The following GRIK1 variants were observed in gnomAD, a reference collection of about 807,000 sequenced individuals.
The protein encoded by GRIK1 is glutamate receptor ionotropic, kainate 1.
A neutral mutation model predicts 105.7 loss-of-function variants in GRIK1; 69 were observed. The ratio of observed to expected loss-of-function variants is 0.65; its 90% CI spans 0.54 to 0.80. The LOEUF (loss-of-function observed/expected upper bound fraction) is 0.80. GRIK1 is among the 30% of genes least tolerant of loss of function. The pLI, the probability that GRIK1 is intolerant of heterozygous loss-of-function variation, is 0.00. For synonymous variants in GRIK1, 438 were observed against 431.3 expected (o/e 1.02, Z -0.19); for missense variants, 1,109 against 1,167.3 (o/e 0.95, Z 0.73).
intron 1 of GRIK1, among the ~76,000 whole-genome samples, chr21:29,936,962 AC>A (rs2071779711): frequency 6.6e-6 from 1 of 151,918 alleles, no homozygotes. Context: ...TAATCTAGAG[AC>A]CCTTTTTATT....
Position 29,667,973 on chromosome 21 carries a change from G to A in GRIK1, c.726+5010C>T, listed in dbSNP as rs767609940. Among the ~76,000 whole-genome samples, 4 of 152,200 alleles carry A rather than the reference G, an allele frequency of 2.6e-5. No individual in the cohort carries two copies. In the East Asian group the frequency reaches 5.8e-4, roughly 22 times the overall value. The stretch of plus-strand genomic sequence containing the variant: ...AGCCTTTCTTTCAGGTAACAGGCAC[G>A]GAGGAGCAACTCACCCAAATGTGCT... On this transcript the variant is annotated intron_variant, in intron 4 of 17. Transcript: ENST00000327783.
chr21:29,774,559 C>T (rs2065895506), intron 1 of GRIK1, among the ~76,000 whole-genome samples: 1 of 148,328 alleles, frequency 6.7e-6, no homozygotes, highest in South Asian at 2.2e-4. Flanking sequence ...TCAAGCTATT[C>T]TCCTGCCTCA....
intron 1 of GRIK1, among the ~76,000 whole-genome samples, chr21:29,862,333 C>A (rs991435103): frequency 6.6e-6 from 1 of 152,082 alleles, no homozygotes; most frequent in Admixed American, 6.6e-5. Context: ...TTTCCTCCAC[C>A]AAATTCTTGT....
At chr21:29,865,154 C>G (rs1305451307) in intron 1 of GRIK1, among the ~76,000 whole-genome samples, 1 of 152,128 alleles carries the variant, frequency 6.6e-6, no homozygotes. Context: ...TTTCTGAACT[C>G]CTGCCTACAG....
At chr21:29,929,148 C>A (rs917584199) in intron 1 of GRIK1, among the ~76,000 whole-genome samples, 1 of 152,132 alleles carries the variant, frequency 6.6e-6, no homozygotes, top group African/African-American at 2.4e-5. Context: ...CAGACGCACC[C>A]ATTACCTGCT....
chr21:29,581,741 A>G (rs947469422), intron 12 of GRIK1, among the ~76,000 whole-genome samples, 198 bp from the exon 13 acceptor site: 2 of 152,190 alleles, frequency 1.3e-5, no homozygotes, highest in African/African-American at 4.8e-5. Context: ...AATATTTACC[A>G]GACTTCTTAT....
chr21:29,757,113 A>G (rs1156977960), intron 1 of GRIK1, among the ~76,000 whole-genome samples: 1 of 152,102 alleles, frequency 6.6e-6, no homozygotes, highest in African/African-American at 2.4e-5. Context: ...TTGAGACTCC[A>G]TCTCAATATA....
At chr21:29,872,264 G>T (rs1409278561) in intron 1 of GRIK1, among the ~76,000 whole-genome samples, 1 of 149,458 alleles carries the variant, frequency 6.7e-6, no homozygotes, top group Non-Finnish European at 1.5e-5. Flanking sequence ...TGCGATCTTG[G>T]CTCACTGCAA....
Position 29,915,030 on chromosome 21 carries a change from A to G in GRIK1, c.118+24353T>C, listed in dbSNP as rs1342973113. ...AATATGTTTTTTACATAATTTCTAAAGAAATATAGGTGATGCACCCAAAAG... is the reference window on the plus strand; with the variant it reads ...AATATGTTTTTTACATAATTTCTAAGGAAATATAGGTGATGCACCCAAAAG... On this transcript the variant is annotated intron_variant, in intron 1 of 17. Transcript: ENST00000327783. Among the ~76,000 whole-genome samples the G allele has an allele frequency of 2.6e-5, 4 of 152,110 alleles. No individual in the cohort carries two copies. In the East Asian group the frequency reaches 7.7e-4, roughly 29 times the overall value.
rs2062726353 is a variant in GRIK1 at position 29,651,125 on chromosome 21, A to G, written c.947T>C (p.Met316Thr). Residue 316 changes from methionine (M) to threonine (T), a missense_variant, in exon 6 of 18, where the codon ATG (methionine) becomes ACG (threonine). Physicochemically the swap from Met to Thr is moderately conservative, Grantham distance 81. This residue lies in a region of GRIK1 where 612 missense variants were observed against 586.0 expected (regional missense o/e 1.04). Transcript: ENST00000327783. ...PRPETGLLDG[M>T]MTTEAALMYD... Reference sequence around the variant, plus strand: ...TATTTGAAAATGACTTACTGTCATCATGCCATCCAAAAGGCCAGTCTCGGG... The same window carrying G: ...TATTTGAAAATGACTTACTGTCATCGTGCCATCCAAAAGGCCAGTCTCGGG... 1 of 1,606,612 alleles carries G rather than the reference A, an allele frequency of 6.2e-7. No individual in the cohort carries two copies. Among genetic ancestry groups the G allele is most frequent in the Non-Finnish European group, 8.5e-7 (1 of 1,177,426 alleles).
At chr21:29,876,049 A>G (rs1054298893) in intron 1 of GRIK1, among the ~76,000 whole-genome samples, 25 of 152,048 alleles carry the variant, frequency 1.6e-4, no homozygotes, top group African/African-American at 5.1e-4. Flanking sequence ...AACTAGGCAC[A>G]GAGTCACACC....
intron 1 of GRIK1, among the ~76,000 whole-genome samples, chr21:29,756,509 G>A (rs534877053): frequency 1.3e-5 from 2 of 152,088 alleles, no homozygotes; most frequent in African/African-American, 4.8e-5. Flanking sequence ...ACAATGCCAC[G>A]TTACAGTGAG....
In GRIK1 at chr21:29,924,065, C is replaced by T. The variant is rs556382760; in HGVS notation, c.118+15318G>A. On this transcript the variant is annotated intron_variant, in intron 1 of 17. Coordinates refer to ENST00000327783, the MANE Select transcript of GRIK1 (RefSeq NM_001330994.2). The stretch of plus-strand genomic sequence containing the variant: ...TATATGAAAGAAGGTTAAGGCCGGG[C>T]GCGGTGGCTCATGCCTATAATCCCA... 1.6e-4 allele frequency among the ~76,000 whole-genome samples: 24 copies of T among 152,146 alleles called. 1 individual carries two copies. The highest frequency in any genetic ancestry group is 1.2e-3 in the South Asian group (6 of 4,820).
chr21:29,549,676 A>AT (rs111293053), intron 16 of GRIK1, among the ~76,000 whole-genome samples: 9,909 of 151,964 alleles, frequency 0.065, 553 homozygotes, highest in African/African-American at 0.15. Flanking sequence ...TGAAAAAAAA[A>AT]TTGTTTTCCT....
chr21:29,575,962 G>A (rs1162985946), intron 14 of GRIK1, among the ~76,000 whole-genome samples: 1 of 151,956 alleles, frequency 6.6e-6, no homozygotes, highest in Middle Eastern at 3.2e-3. Flanking sequence ...CTTTGACAAG[G>A]GTGTTTTTAG....
intron 7 of GRIK1, among the ~76,000 whole-genome samples, chr21:29,600,784 C>T (rs1340608743): frequency 3.3e-5 from 5 of 152,124 alleles, no homozygotes; most frequent in African/African-American, 9.7e-5. Flanking sequence ...TCTCACTTTT[C>T]CCACTTTCAT....
intron 1 of GRIK1, among the ~76,000 whole-genome samples, chr21:29,888,196 T>C (rs868479012): frequency 0.023 from 419 of 18,580 alleles, 3 homozygotes; most frequent in Non-Finnish European, 0.078. Context: ...TTTCTTTCTT[T>C]CTCTCTCTCT....
intron 1 of GRIK1, among the ~76,000 whole-genome samples, chr21:29,747,035 T>C (rs868719193): frequency 4.3e-4 from 65 of 152,314 alleles, no homozygotes; most frequent in Admixed American, 5.2e-4. Flanking sequence ...TTGGATACCA[T>C]AAGGTGTCTC....
rs548440118 is a variant in GRIK1, at chr21:29,706,030, C to T, written c.119-11967G>A. Among the ~76,000 whole-genome samples, 6 of 152,110 alleles carry T rather than the reference C, an allele frequency of 3.9e-5. No individual in the cohort carries two copies. The South Asian group carries it at 1.3e-3, about 32-fold the overall frequency. On this transcript the variant is annotated intron_variant, in intron 1 of 17. Coordinates refer to ENST00000327783, the MANE Select transcript of GRIK1 (RefSeq NM_001330994.2). Reference sequence around the variant, plus strand: ...CTGGTACTACAGGCGTGTGCCACCACACCCGGCTAGTTTTTGTATTTTTAG... The same window carrying T: ...CTGGTACTACAGGCGTGTGCCACCATACCCGGCTAGTTTTTGTATTTTTAG...
Sources: allele counts gnomAD v4.1 joint callset (sites outside exome capture counted in the v4.1 genomes callset), GRCh38; gene constraint gnomAD v4.1.1; regional missense constraint gnomAD v4.1.1; transcripts MANE v1.5; gene names NCBI Gene and HGNC (gene_info 2026-07-23, HGNC 2026-07-21).